The following CXCL13 variants were observed in gnomAD, a reference collection of about 807,000 sequenced individuals.
CXCL13 encodes the protein C-X-C motif chemokine 13.
A neutral mutation model predicts 12.2 loss-of-function variants in CXCL13; 7 were observed. The ratio of observed to expected loss-of-function variants is 0.57; its 90% confidence interval spans 0.33 to 1.07. The LOEUF is 1.07. Among genes scored for constraint, CXCL13 ranks in the 50% least tolerant of loss-of-function variants. The probability of loss-of-function intolerance (pLI) is 0.04; values close to 1 mark genes in which losing one functional copy is unlikely to be tolerated. For synonymous variants in CXCL13, 47 were observed against 42.4 expected, an observed-to-expected ratio of 1.11 and a Z score of -0.42; for missense variants, 113 against 127.4, an observed-to-expected ratio of 0.89 and a Z score of 0.55.
intron 1 of CXCL13, among the ~76,000 whole-genome samples, chr4:77,533,591 G>T: frequency 6.6e-6 from 1 of 152,210 alleles, no homozygotes; most frequent in African/African-American, 2.4e-5. Context: ...GTCTGTAGAG[G>T]ATTCTGCTGC....
intron 1 of CXCL13, among the ~76,000 whole-genome samples, chr4:77,550,136 G>A (rs1400362226): frequency 6.6e-6 from 1 of 152,308 alleles, no homozygotes. Flanking sequence ...GTTGGCATGG[G>A]ATCTGCTGAG....
chr4:77,605,907 C>T lies in CXCL13; in HGVS notation c.42C>T (p.Val14=), dbSNP rs1726990997. The change falls in exon 1 of 4, where the codon GTC becomes GTT. Residue 14 remains valine (V), a synonymous_variant. Coordinates refer to ENST00000682537, the MANE Select transcript of CXCL13 (RefSeq NM_001371558.1). ...ISTSLLLMLL[V]SSLSPVQGVL... ...CATCTCTGCTTCTCATGCTGCTGGT[C>T]AGCAGCCTCTCTCCAGTCCAAGGTG... 5.0e-6 allele frequency: 8 copies of T among 1,606,884 alleles called. No individual in the cohort carries two copies. Among genetic ancestry groups the T allele is most frequent in the Non-Finnish European group, 6.8e-6 (8 of 1,175,366 alleles).
intron 1 of CXCL13, among the ~76,000 whole-genome samples, chr4:77,540,472 T>C (rs1467633065): frequency 1.3e-5 from 2 of 152,158 alleles, no homozygotes; most frequent in Non-Finnish European, 2.9e-5. Flanking sequence ...TTTACGTCCA[T>C]GAGTACCCAG....
chr4:77,610,943 TG>T, intron 3 of CXCL13, 44 bp from the exon 4 acceptor site: 2 of 1,538,384 alleles, frequency 1.3e-6, no homozygotes, highest in East Asian at 2.2e-5. Context: ...CAGTTTCTTG[TG>T]TTTCTCTAAA....
chr4:77,597,514 G>T (rs886161237), intron 1 of CXCL13, among the ~76,000 whole-genome samples: 2 of 152,110 alleles, frequency 1.3e-5, no homozygotes, highest in Admixed American at 6.5e-5. Flanking sequence ...CTAGCCTGAG[G>T]ACAATTTCCT....
At chr4:77,564,526 A>G (rs982895923) in intron 1 of CXCL13, among the ~76,000 whole-genome samples, 2 of 152,152 alleles carry the variant, frequency 1.3e-5, no homozygotes, top group Non-Finnish European at 2.9e-5. Flanking sequence ...CATTTACCAA[A>G]CATTTACTCT....
intron 1 of CXCL13, among the ~76,000 whole-genome samples, chr4:77,525,496 T>G (rs564075440): frequency 1.3e-5 from 2 of 152,266 alleles, no homozygotes; most frequent in South Asian, 2.1e-4. Flanking sequence ...TATACTTGTG[T>G]GGGTGGAAGT....
intron 2 of CXCL13, among the ~76,000 whole-genome samples, chr4:77,608,076 A>G (rs1727035135): frequency 1.3e-5 from 2 of 152,198 alleles, no homozygotes; most frequent in Admixed American, 1.3e-4. Context: ...AGGTAAGTCT[A>G]TTGTTCCTTA....
At chr4:77,581,341 TGACTGAATATTG>T (rs2109824658) in intron 1 of CXCL13, among the ~76,000 whole-genome samples, 1 of 152,362 alleles carries the variant, frequency 6.6e-6, no homozygotes, top group South Asian at 2.1e-4. Flanking sequence ...GGTTGCCAAT[TGACTGAATATTG>T]GCTATTTTGT....
At chr4:77,562,587 G>T (rs1042447729) in intron 1 of CXCL13, among the ~76,000 whole-genome samples, 1 of 151,842 alleles carries the variant, frequency 6.6e-6, no homozygotes, top group East Asian at 1.9e-4. Flanking sequence ...ACACCAATCA[G>T]CACTCTGTGT....
intron 2 of CXCL13, among the ~76,000 whole-genome samples, chr4:77,609,603 G>A (rs1727097257): frequency 6.6e-6 from 1 of 152,120 alleles, no homozygotes; most frequent in Admixed American, 6.5e-5. Flanking sequence ...CTACCATGCT[G>A]CTGGCTGTTT....
At chr4:77,586,412 C>G (rs1726460330) in intron 1 of CXCL13, among the ~76,000 whole-genome samples, 1 of 152,130 alleles carries the variant, frequency 6.6e-6, no homozygotes, top group African/African-American at 2.4e-5. Flanking sequence ...CTGAAGTTTG[C>G]TATATCTCCG....
intron 1 of CXCL13, among the ~76,000 whole-genome samples, chr4:77,539,120 A>C (rs1323419470): frequency 1.3e-5 from 2 of 149,306 alleles, no homozygotes; most frequent in African/African-American, 5.0e-5. Flanking sequence ...GCTGGAGGGC[A>C]GTGGCGTGAT....
chr4:77,549,505 T>A (rs1435528065), intron 1 of CXCL13, among the ~76,000 whole-genome samples: 1 of 152,252 alleles, frequency 6.6e-6, no homozygotes, highest in Non-Finnish European at 1.5e-5. Context: ...GATGGTGACC[T>A]ACAGATGGGG....
At chr4:77,534,836 A>G (rs182109867) in intron 1 of CXCL13, among the ~76,000 whole-genome samples, 15 of 152,314 alleles carry the variant, frequency 9.8e-5, no homozygotes, top group Admixed American at 8.5e-4. Flanking sequence ...CTACAATTCC[A>G]TGACCTTACT....
chr4:77,515,061 G>T (rs1402682432), intron 1 of CXCL13, among the ~76,000 whole-genome samples: 2 of 152,106 alleles, frequency 1.3e-5, no homozygotes, highest in Non-Finnish European at 2.9e-5. Context: ...TATTAAATAG[G>T]GAATCCTTTC....
At chr4:77,527,716 G>C (rs1426043196) in intron 1 of CXCL13, among the ~76,000 whole-genome samples, 1 of 151,784 alleles carries the variant, frequency 6.6e-6, no homozygotes, top group Non-Finnish European at 1.5e-5. Context: ...GATAACTCCA[G>C]CTCCCAGATT....
At chr4:77,609,969 A>G (rs746780617) in intron 2 of CXCL13, among the ~76,000 whole-genome samples, 4 of 152,238 alleles carry the variant, frequency 2.6e-5, no homozygotes, top group Non-Finnish European at 4.4e-5. Context: ...GATGAATTGA[A>G]ATAATCCATG....
intron 1 of CXCL13, among the ~76,000 whole-genome samples, chr4:77,514,069 T>C (rs1341514433): frequency 6.6e-6 from 1 of 152,016 alleles, no homozygotes; most frequent in Non-Finnish European, 1.5e-5. Flanking sequence ...GGTTTTTTGT[T>C]CTTGCAATAG....
Sources: gnomAD v4.1 joint callset for allele counts (sites outside exome capture counted in the v4.1 genomes callset) on GRCh38, gnomAD v4.1.1 for gene constraint, MANE v1.5 for transcripts, NCBI Gene and HGNC (gene_info 2026-07-23, HGNC 2026-07-21) for gene names.